ULK2: variants seen among roughly 807,000 people sequenced by gnomAD.
ULK2 encodes unc-51 like autophagy activating kinase 2.
In ULK2, 76 loss-of-function variants were observed where a neutral mutation model predicts 127.5. The ratio of observed to expected loss-of-function variants is 0.60; its 90% confidence interval spans 0.50 to 0.72. The LOEUF (loss-of-function observed/expected upper bound fraction) is 0.72. Ranked by LOEUF, ULK2 falls within the 30% of genes least tolerant of loss-of-function variation. The pLI is 0.00. For missense variants in ULK2, 1,144 were observed against 1,295.9 expected (o/e 0.88, Z 1.80); for synonymous variants, 452 against 461.9 (o/e 0.98, Z 0.28).
intron 6 of ULK2, 128 bp downstream of exon 6, chr17:19,846,609 C>T: frequency 9.1e-7 from 1 of 1,097,714 alleles, no homozygotes; most frequent in Non-Finnish European, 1.3e-6. Context: ...CACTACACGC[C>T]AGCCTGAGCA....
intron 3 of ULK2, among the ~76,000 whole-genome samples, chr17:19,860,775 C>T (rs2042225003): frequency 6.6e-6 from 1 of 152,078 alleles, no homozygotes; most frequent in Non-Finnish European, 1.5e-5. Flanking sequence ...CTGCCTGCCT[C>T]GGCCTCCCAA....
Position 19,783,861 on chromosome 17 carries a change from G to A in ULK2, c.2296C>T (p.Arg766Cys), listed in dbSNP as rs749044855. The change falls in exon 22 of 27, where the codon CGC (arginine) becomes TGC (cysteine). Residue 766 changes from arginine to cysteine, a missense_variant. This residue lies in a region of ULK2 where 913 missense variants were observed against 970.5 expected (regional missense o/e 0.94). Coordinates refer to ENST00000395544, the MANE Select transcript of ULK2 (RefSeq NM_014683.4). ...SGGSLCAMSG[R>C]VCVGSPPGPG... is the part of the protein sequence containing the mutation. ...CCAGGCGGGGACCCCACGCACACGC[G>A]GCCACTCATGGCACAAAGAGAGCCC... The A allele has an allele frequency of 1.9e-6, 3 of 1,575,232 alleles. No homozygotes were observed. The highest frequency in any genetic ancestry group is 1.2e-5 in the South Asian group (1 of 84,096).
At chr17:19,834,496 A>T (rs1208554026) in intron 10 of ULK2, among the ~76,000 whole-genome samples, 1 of 152,034 alleles carries the variant, frequency 6.6e-6, no homozygotes, top group Non-Finnish European at 1.5e-5. Context: ...AACTAAAAAA[A>T]TGACACCAAA....
At position 19,814,456 on chromosome 17, in the gene ULK2, T is replaced by TTTTTTTTTGTTTGTTTG. The variant is rs1555557161; in HGVS notation, c.1096+2292_1096+2293insCAAACAAACAAAAAAAA. On this transcript the variant is annotated intron_variant, in intron 13 of 26. Transcript: ENST00000395544. ...TATATATATTTTTTTTTTTTTTTTT[T>TTTTTTTTTGTTTGTTTG]TTTTTTTGGAGACAGGGTCTTGCTC... 7.1e-4 allele frequency among the ~76,000 whole-genome samples: 13 copies of TTTTTTTTTGTTTGTTTG among 18,248 alleles called. 1 individual carries two copies. Among genetic ancestry groups the TTTTTTTTTGTTTGTTTG allele is most frequent in the South Asian group, 3.6e-3 (2 of 562 alleles). The allele number at this position is 18,248 out of a possible 152,430, so 12.0% of individuals were successfully genotyped here. A position where few individuals can be genotyped will look rare whatever the true frequency, so the allele number is the denominator to read the frequency against.
At chr17:19,824,931 G>A (rs1021289797) in intron 12 of ULK2, among the ~76,000 whole-genome samples, 163 bp downstream of exon 12, 2 of 152,190 alleles carry the variant, frequency 1.3e-5, no homozygotes, top group Non-Finnish European at 2.9e-5. Flanking sequence ...AGGCCCGAAT[G>A]CAGGTCCATT....
intron 12 of ULK2, among the ~76,000 whole-genome samples, chr17:19,824,474 A>G (rs1043456201): frequency 3.4e-5 from 5 of 148,130 alleles, no homozygotes; most frequent in Non-Finnish European, 7.5e-5. Context: ...AAAAAAAAAA[A>G]GCCTAAGAGA....
At chr17:19,788,765 C>G (rs1226048992) in intron 20 of ULK2, among the ~76,000 whole-genome samples, 1 of 152,098 alleles carries the variant, frequency 6.6e-6, no homozygotes, top group Non-Finnish European at 1.5e-5. Context: ...ACTGAAGAGC[C>G]CTTGGGCCTT....
At chr17:19,796,336 A>G (rs2087271559) in intron 18 of ULK2, 54 bp from the exon 19 acceptor site, 3 of 1,461,750 alleles carry the variant, frequency 2.1e-6, no homozygotes, top group Non-Finnish European at 2.7e-6. Flanking sequence ...CGATGCATGA[A>G]CTATTCAGTA....
intron 1 of ULK2, among the ~76,000 whole-genome samples, chr17:19,867,069 C>T (rs746363769): frequency 1.3e-5 from 2 of 152,176 alleles, no homozygotes; most frequent in Non-Finnish European, 2.9e-5. Flanking sequence ...AACGCTCCTG[C>T]GGGCGGACCG....
chr17:19,840,141 T>C (rs2041705837), intron 9 of ULK2: 3 of 413,114 alleles, frequency 7.3e-6, no homozygotes, highest in Non-Finnish European at 1.5e-5. Context: ...GTTCCCAAAG[T>C]ATACTCTATC....
chr17:19,856,977 CAAAAAAAAA>C (rs1157706276), intron 3 of ULK2, among the ~76,000 whole-genome samples: 606 of 21,312 alleles, frequency 0.028, 11 homozygotes, highest in African/African-American at 0.073. Context: ...ACTCCATCTC[CAAAAAAAAA>C]AAAAAAAAAA....
intron 3 of ULK2, among the ~76,000 whole-genome samples, chr17:19,856,858 T>C (rs1372586991): frequency 6.7e-6 from 1 of 149,842 alleles, no homozygotes; most frequent in Non-Finnish European, 1.5e-5. Context: ...GCGCCTGTAG[T>C]CCCAGCTACT....
chr17:19,816,858 G>A lies in ULK2; in HGVS notation c.987C>T (p.Pro329=). The change falls in exon 13 of 27, where the codon CCC becomes CCT. Residue 329 remains proline (P), a synonymous_variant. Coordinates refer to ENST00000395544, the MANE Select transcript of ULK2 (RefSeq NM_014683.4). ...AATCTTTGGAAACTTGTAGATAGTTGGGAGGACCCAATGGTGGGGAAGATA... is the reference window on the plus strand; with the variant it reads ...AATCTTTGGAAACTTGTAGATAGTTAGGAGGACCCAATGGTGGGGAAGATA... ...ENLSSPPLGP[P]NYLQVSKDSA... is the part of the protein sequence containing the mutation. 1 of 1,612,416 alleles carries A rather than the reference G, an allele frequency of 6.2e-7. No homozygotes were observed. Among genetic ancestry groups the A allele is most frequent in the Non-Finnish European group, 8.5e-7 (1 of 1,179,492 alleles).
chr17:19,841,661 G>A, intron 8 of ULK2, 114 bp from the exon 9 acceptor site: 3 of 710,488 alleles, frequency 4.2e-6, no homozygotes, highest in East Asian at 3.0e-5. Flanking sequence ...GGAGTTTCAA[G>A]GAAGGGACTG....
In ULK2 at chr17:19,867,433, G is replaced by T. The variant is rs1341789265; in HGVS notation, c.-16C>A. On this transcript the variant is annotated 5_prime_UTR_variant, in exon 1 of 27. Transcript: ENST00000395544. The stretch of plus-strand genomic sequence containing the variant: ...CCACCTCCATGGCCGCGCCCCCGGG[G>T]CACACAGCGGACGGGCGGGCGGCGC... 2 of 1,584,012 alleles carry T rather than the reference G, an allele frequency of 1.3e-6. No individual in the cohort carries two copies. The highest frequency in any genetic ancestry group is 2.8e-5 in the African/African-American group (2 of 71,234).
At chr17:19,817,976 G>A (rs1338826463) in intron 12 of ULK2, among the ~76,000 whole-genome samples, 2 of 152,104 alleles carry the variant, frequency 1.3e-5, no homozygotes, top group Non-Finnish European at 2.9e-5. Flanking sequence ...GCACTACTGA[G>A]CCTCAACCAT....
chr17:19,841,755 T>C (rs2041763697), intron 8 of ULK2, among the ~76,000 whole-genome samples: 1 of 152,018 alleles, frequency 6.6e-6, no homozygotes, highest in Non-Finnish European at 1.5e-5. Context: ...ACATAGACTA[T>C]CAACTTGAAA....
rs915967207 is a variant in ULK2 at position 19,810,384 on chromosome 17, C to A, written c.1151G>T (p.Cys384Phe). Residue 384 changes from cysteine (C) to phenylalanine (F), a missense_variant, in exon 14 of 27, where the codon TGT becomes TTT. By Grantham distance (205) the Cys-to-Phe change is radical. Coordinates refer to ENST00000395544, the MANE Select transcript of ULK2 (RefSeq NM_014683.4). ...ATAATGTAAATATACATACCCTCCA[C>A]ACACCAAGAATTCATTTGAAGCACG... ...GRRASNEFLV[C>F]GGQCQPTVSP... 2.5e-6 allele frequency: 4 copies of A among 1,603,722 alleles called. No homozygotes were observed. Among genetic ancestry groups the A allele is most frequent in the Non-Finnish European group, 2.6e-6 (3 of 1,172,050 alleles).
chr17:19,837,117 G>T (rs956270958), intron 10 of ULK2, among the ~76,000 whole-genome samples: 4 of 151,176 alleles, frequency 2.6e-5, no homozygotes, highest in Admixed American at 6.6e-5. Context: ...AAAAACAAAA[G>T]AATCTATTTA....
Sources: gnomAD v4.1 joint callset for allele counts (sites outside exome capture counted in the v4.1 genomes callset) on GRCh38, gnomAD v4.1.1 for gene constraint, gnomAD v4.1.1 regional missense constraint, MANE v1.5 for transcripts, NCBI Gene and HGNC (gene_info 2026-07-23, HGNC 2026-07-21) for gene names.